CSMD3: variants seen among roughly 807,000 people sequenced by gnomAD.
CSMD3 encodes the protein CUB and Sushi multiple domains 3, also known as CUB and sushi domain-containing protein 3.
In CSMD3, 177 loss-of-function variants were observed where a neutral mutation model predicts 435.2. The observed-to-expected ratio is 0.41, with a 90% CI of 0.36 to 0.46. The LOEUF (loss-of-function observed/expected upper bound fraction) is 0.46, where lower values mean the gene tolerates loss of function less well. Ranked by LOEUF, CSMD3 falls within the 20% of genes least tolerant of loss-of-function variation. CSMD3 has a pLI of 0.34. For synonymous variants in CSMD3, 1,656 were observed against 1,520.5 expected, an observed-to-expected ratio of 1.09 and a Z score of -2.07; for missense variants, 4,265 against 4,504.6, an observed-to-expected ratio of 0.95 and a Z score of 1.52.
At chr8:112,904,169 C>T (rs1170226679) in intron 10 of CSMD3, among the ~76,000 whole-genome samples, 1 of 151,316 alleles carries the variant, frequency 6.6e-6, no homozygotes, top group Non-Finnish European at 1.5e-5. Flanking sequence ...AATATGGTGA[C>T]ATTCACCTTA....
At chr8:112,581,657 A>C (rs2131332192) in intron 23 of CSMD3, among the ~76,000 whole-genome samples, 1 of 152,230 alleles carries the variant, frequency 6.6e-6, no homozygotes, top group African/African-American at 2.4e-5. Context: ...TTACTATACG[A>C]CAAGCATTGT....
At chr8:113,411,679 A>G (rs2094560501) in intron 1 of CSMD3, among the ~76,000 whole-genome samples, 1 of 152,110 alleles carries the variant, frequency 6.6e-6, no homozygotes, top group Non-Finnish European at 1.5e-5. Context: ...AATTTATAGC[A>G]CTCTAAAACA....
At chr8:112,910,710 C>T (rs546452199) in intron 10 of CSMD3, among the ~76,000 whole-genome samples, 202 of 151,974 alleles carry the variant, frequency 1.3e-3, no homozygotes, top group Admixed American at 3.2e-3. Context: ...CATTGCATGT[C>T]CTTTTCCGTC....
intron 59 of CSMD3, among the ~76,000 whole-genome samples, chr8:112,276,157 C>A (rs1260537419): frequency 6.6e-6 from 1 of 152,178 alleles, no homozygotes; most frequent in South Asian, 2.1e-4. Flanking sequence ...CAAAATCCAG[C>A]AAGGCAGTCA....
intron 4 of CSMD3, among the ~76,000 whole-genome samples, chr8:113,140,433 T>C (rs2091520103): frequency 6.6e-6 from 1 of 150,644 alleles, no homozygotes; most frequent in African/African-American, 2.4e-5. Context: ...CATAGAAGAC[T>C]CCAGCCTACA....
chr8:113,331,114 G>C (rs2094024324), intron 1 of CSMD3, among the ~76,000 whole-genome samples: 1 of 151,614 alleles, frequency 6.6e-6, no homozygotes, highest in South Asian at 2.1e-4. Flanking sequence ...CTAAAATCAA[G>C]AATAATAGAG....
chr8:113,248,696 A>C (rs1473901498), intron 3 of CSMD3, among the ~76,000 whole-genome samples: 1 of 151,348 alleles, frequency 6.6e-6, no homozygotes, highest in African/African-American at 2.4e-5. Context: ...AGACTTTTCC[A>C]ATAAGTTATT....
At position 112,540,731 on chromosome 8, in the gene CSMD3, T is replaced by A. The variant is rs142516968; in HGVS notation, c.4564+9940A>T. Among the ~76,000 whole-genome samples the A allele has an allele frequency of 1.9e-3, 289 of 152,018 alleles. 1 individual carries two copies. The highest frequency in any genetic ancestry group is 3.4e-3 in the Middle Eastern group (1 of 294). ...TTATATATGGGGGCTAACAAAAAATTGATCTCATGGAGGTAGTGAGTCAAA... is the reference window on the plus strand; with the variant it reads ...TTATATATGGGGGCTAACAAAAAATAGATCTCATGGAGGTAGTGAGTCAAA... On this transcript the variant is annotated intron_variant, in intron 27 of 70. Coordinates refer to ENST00000297405, the MANE Select transcript of CSMD3 (RefSeq NM_198123.2).
intron 13 of CSMD3, among the ~76,000 whole-genome samples, chr8:112,744,616 T>A (rs1549352): frequency 0.33 from 50,437 of 151,680 alleles, 9,236 homozygotes; most frequent in African/African-American, 0.5. Context: ...ATATAGAGAT[T>A]TTTTTTTCTA....
chr8:113,128,425 T>A (rs541095217), intron 4 of CSMD3, among the ~76,000 whole-genome samples: 3 of 152,080 alleles, frequency 2.0e-5, no homozygotes, highest in Non-Finnish European at 2.9e-5. Context: ...GTATACCAGA[T>A]TGTATACTGA....
At chr8:112,429,831 A>T (rs1813471026) in intron 32 of CSMD3, among the ~76,000 whole-genome samples, 1 of 152,074 alleles carries the variant, frequency 6.6e-6, no homozygotes, top group Admixed American at 6.6e-5. Context: ...AGATCATCAG[A>T]AATTTTTTTT....
At chr8:113,274,920 G>C (rs957396645) in intron 3 of CSMD3, among the ~76,000 whole-genome samples, 3 of 151,498 alleles carry the variant, frequency 2.0e-5, no homozygotes, top group Non-Finnish European at 4.4e-5. Flanking sequence ...GAGAGAGAGA[G>C]AATGTGTGAT....
intron 32 of CSMD3, among the ~76,000 whole-genome samples, chr8:112,434,707 A>T (rs529911001): frequency 6.6e-6 from 1 of 152,250 alleles, no homozygotes; most frequent in East Asian, 1.9e-4. Flanking sequence ...CCTAGAAAGG[A>T]ACCATCAATG....
intron 1 of CSMD3, among the ~76,000 whole-genome samples, chr8:113,374,837 A>C (rs80216960): frequency 3.1e-5 from 4 of 127,676 alleles, no homozygotes; most frequent in East Asian, 2.4e-4. Flanking sequence ...AAAAAAAAAA[A>C]AAAAAAAAAA....
chr8:112,932,429 G>T (rs1298508206), intron 9 of CSMD3, among the ~76,000 whole-genome samples: 3 of 152,148 alleles, frequency 2.0e-5, no homozygotes, highest in Non-Finnish European at 4.4e-5. Context: ...AGTATTTTTA[G>T]TAGAGATGGG....
chr8:112,224,592 T>C lies in CSMD3; in HGVS notation c.*179A>G. On this transcript the variant is annotated 3_prime_UTR_variant, in exon 71 of 71. Coordinates refer to ENST00000297405, the MANE Select transcript of CSMD3 (RefSeq NM_198123.2). Reference sequence around the variant, plus strand: ...AGCCAAATTTCTGTAAAACTCTCCATGGTAAACATGAAGAATTATGGTCCA... The same window carrying C: ...AGCCAAATTTCTGTAAAACTCTCCACGGTAAACATGAAGAATTATGGTCCA... 1.5e-6 allele frequency: 1 copy of C among 676,576 alleles called. No homozygotes were observed. The allele number at this position is 676,576 out of a possible 1,614,324, so 41.9% of individuals were successfully genotyped here.
chr8:112,951,782 T>A (rs1433518908), intron 8 of CSMD3, among the ~76,000 whole-genome samples: 2 of 151,564 alleles, frequency 1.3e-5, no homozygotes, highest in African/African-American at 4.8e-5. Context: ...ATTTGAAGAA[T>A]AAGAAAGAAA....
intron 1 of CSMD3, among the ~76,000 whole-genome samples, chr8:113,376,159 G>C (rs2094381367): frequency 6.6e-6 from 1 of 151,976 alleles, no homozygotes; most frequent in African/African-American, 2.4e-5. Context: ...GAACATAGAA[G>C]ATAAAATTTA....
At chr8:112,514,953 A>G (rs1393667421) in intron 28 of CSMD3, among the ~76,000 whole-genome samples, 1 of 151,902 alleles carries the variant, frequency 6.6e-6, no homozygotes, top group African/African-American at 2.4e-5. Context: ...TCTTCCCCTC[A>G]AGCTATCTTT....
Sources: allele counts gnomAD v4.1 joint callset (sites outside exome capture counted in the v4.1 genomes callset), GRCh38; gene constraint gnomAD v4.1.1; transcripts MANE v1.5; gene names NCBI Gene and HGNC (gene_info 2026-07-23, HGNC 2026-07-21).